Variants in TACR3 observed in about 807,000 individuals in gnomAD.
TACR3 encodes neuromedin-K receptor.
TACR3 carries 34 observed loss-of-function variants against 35.0 expected under a neutral mutation model. That is an observed-to-expected ratio of 0.97 (90% CI 0.74 to 1.30). The LOEUF is 1.30. Ranked by LOEUF, TACR3 falls within the 50% of genes most tolerant of loss-of-function variation. TACR3 has a pLI of 0.00. For synonymous variants in TACR3, 233 were observed against 221.1 expected, an observed-to-expected ratio of 1.05 and a Z score of -0.48; for missense variants, 558 against 591.7, an observed-to-expected ratio of 0.94 and a Z score of 0.59.
At chr4:103,711,056 C>A (rs1201536659) in intron 1 of TACR3, among the ~76,000 whole-genome samples, 2 of 152,118 alleles carry the variant, frequency 1.3e-5, no homozygotes, top group Non-Finnish European at 2.9e-5. Context: ...CAAATTCTAC[C>A]AGAGGTACAA....
At chr4:103,714,783 A>G (rs1723050894) in intron 1 of TACR3, among the ~76,000 whole-genome samples, 1 of 152,158 alleles carries the variant, frequency 6.6e-6, no homozygotes, top group South Asian at 2.1e-4. Context: ...CATATCTATA[A>G]TGTTGGTAAT....
chr4:103,628,236 C>A (rs535913407), intron 3 of TACR3, among the ~76,000 whole-genome samples: 1 of 152,162 alleles, frequency 6.6e-6, no homozygotes, highest in Non-Finnish European at 1.5e-5. Context: ...ATTAAAAGAA[C>A]CAGAGAAGCA....
chr4:103,626,488 G>A (rs553049291), intron 3 of TACR3, among the ~76,000 whole-genome samples: 1 of 152,202 alleles, frequency 6.6e-6, no homozygotes, highest in East Asian at 1.9e-4. Flanking sequence ...TAAGGGCCTG[G>A]GGCAGAATGG....
chr4:103,684,585 C>A (rs762974609), intron 1 of TACR3, among the ~76,000 whole-genome samples: 3 of 152,086 alleles, frequency 2.0e-5, no homozygotes, highest in Non-Finnish European at 4.4e-5. Flanking sequence ...CCTATGTTCA[C>A]AGTTTGAAGG....
At chr4:103,692,953 C>T (rs947092041) in intron 1 of TACR3, among the ~76,000 whole-genome samples, 1 of 152,136 alleles carries the variant, frequency 6.6e-6, no homozygotes, top group Non-Finnish European at 1.5e-5. Flanking sequence ...TCTCATCCTG[C>T]TTTACAAATA....
At chr4:103,703,048 T>C (rs1722697077) in intron 1 of TACR3, among the ~76,000 whole-genome samples, 1 of 152,034 alleles carries the variant, frequency 6.6e-6, no homozygotes, top group Admixed American at 6.6e-5. Context: ...AGTTAAAGTA[T>C]AATAAAAAAT....
intron 3 of TACR3, among the ~76,000 whole-genome samples, chr4:103,648,574 A>G (rs1477231338): frequency 6.6e-6 from 1 of 152,134 alleles, no homozygotes; most frequent in Non-Finnish European, 1.5e-5. Flanking sequence ...TTCACTTAAC[A>G]TAATGACCTC....
At chr4:103,638,804 G>T (rs1482876876) in intron 3 of TACR3, among the ~76,000 whole-genome samples, 1 of 152,098 alleles carries the variant, frequency 6.6e-6, no homozygotes, top group Admixed American at 6.6e-5. Flanking sequence ...CTTCTCAAAA[G>T]AAGACATTTA....
At chr4:103,650,555 TAATAA>T (rs1471479763) in intron 3 of TACR3, among the ~76,000 whole-genome samples, 1 of 87,514 alleles carries the variant, frequency 1.1e-5, no homozygotes, top group Admixed American at 1.3e-4. Flanking sequence ...AAAATAAATT[TAATAA>T]AATAAATATA....
intron 1 of TACR3, among the ~76,000 whole-genome samples, chr4:103,677,315 T>C (rs569648765): frequency 1.3e-5 from 2 of 152,004 alleles, no homozygotes; most frequent in Admixed American, 1.3e-4. Flanking sequence ...TCCTCAAAGA[T>C]GTAGAAGTGG....
At chr4:103,601,754 A>T (rs1298820926) in intron 3 of TACR3, among the ~76,000 whole-genome samples, 2 of 152,188 alleles carry the variant, frequency 1.3e-5, no homozygotes, top group African/African-American at 4.8e-5. Context: ...CTGAGAGATC[A>T]GGTGTTAGTC....
intron 3 of TACR3, among the ~76,000 whole-genome samples, chr4:103,636,458 G>GTTAT (rs1725192542): frequency 6.6e-6 from 1 of 151,880 alleles, no homozygotes. Flanking sequence ...CAGAAATGAT[G>GTTAT]TTATACATTT....
intron 1 of TACR3, among the ~76,000 whole-genome samples, chr4:103,712,143 T>C (rs1447991253): frequency 6.6e-6 from 1 of 152,134 alleles, no homozygotes; most frequent in Non-Finnish European, 1.5e-5. Context: ...GGAAAAAAAC[T>C]ACTGTCAAGT....
intron 1 of TACR3, among the ~76,000 whole-genome samples, chr4:103,676,453 GA>G (rs893826789): frequency 1.4e-4 from 21 of 152,064 alleles, no homozygotes; most frequent in African/African-American, 4.8e-4. Context: ...ATATAATAGT[GA>G]AATTAACACA....
chr4:103,702,646 CA>C (rs1328721295), intron 1 of TACR3, among the ~76,000 whole-genome samples: 1 of 151,878 alleles, frequency 6.6e-6, no homozygotes, highest in Non-Finnish European at 1.5e-5. Flanking sequence ...GACTTGGAAC[CA>C]ACCCAAATGT....
chr4:103,710,163 G>A (rs1722909070), intron 1 of TACR3, among the ~76,000 whole-genome samples: 1 of 152,142 alleles, frequency 6.6e-6, no homozygotes, highest in Admixed American at 6.5e-5. Context: ...GGACCTAATA[G>A]ACATCTACAG....
chr4:103,690,932 T>C (rs1308819413), intron 1 of TACR3, among the ~76,000 whole-genome samples: 2 of 152,200 alleles, frequency 1.3e-5, no homozygotes, highest in African/African-American at 4.8e-5. Context: ...AATAGGTAGA[T>C]ACAATTTTAT....
intron 3 of TACR3, among the ~76,000 whole-genome samples, chr4:103,607,409 CAGTGTTT>C (rs1218483956): frequency 6.6e-6 from 1 of 151,552 alleles, no homozygotes. Flanking sequence ...TTTATCTTAC[CAGTGTTT>C]AGTGTTATTA....
At chr4:103,630,661 C>G (rs931097115) in intron 3 of TACR3, among the ~76,000 whole-genome samples, 1 of 152,010 alleles carries the variant, frequency 6.6e-6, no homozygotes, top group Non-Finnish European at 1.5e-5. Context: ...GAATGGTGAT[C>G]GTTAAAAAGT....
Sources: gnomAD v4.1 joint callset for allele counts (sites outside exome capture counted in the v4.1 genomes callset) on GRCh38, gnomAD v4.1.1 for gene constraint, MANE v1.5 for transcripts, NCBI Gene and HGNC (gene_info 2026-07-23, HGNC 2026-07-21) for gene names.